The following GRHL2 variants were observed in gnomAD, a reference collection of about 807,000 sequenced individuals.
GRHL2 encodes grainyhead like transcription factor 2.
Under a neutral mutation model 83.8 loss-of-function variants are expected in GRHL2, and 21 were observed. That is an observed-to-expected ratio of 0.25 (90% CI 0.18 to 0.36). The LOEUF (loss-of-function observed/expected upper bound fraction) is 0.36. Among genes scored for constraint, GRHL2 ranks in the 10% least tolerant of loss-of-function variants. The pLI is 1.00. For missense variants in GRHL2, 623 were observed against 781.8 expected (o/e 0.80, Z 2.42); for synonymous variants, 280 against 278.9 (o/e 1.00, Z -0.04).
chr8:101,635,917 G>A (rs1169484503), intron 11 of GRHL2, among the ~76,000 whole-genome samples: 1 of 152,188 alleles, frequency 6.6e-6, no homozygotes, highest in Non-Finnish European at 1.5e-5. Context: ...GAGCCTTTGA[G>A]AGAGTTTGCA....
At position 101,623,394 on chromosome 8, in the gene GRHL2, AGT is replaced by A. The variant is rs1168602165; in HGVS notation, c.1257+3698_1257+3699del. Among the ~76,000 whole-genome samples the A allele has an allele frequency of 1.5e-3, 233 of 152,168 alleles. 11 individuals are homozygous for A. The highest frequency in any genetic ancestry group is 5.4e-3 in the African/African-American group (224 of 41,458). ...CACAGTAAGACAGTTCACGGTACCC[AGT>A]AGGACAGTACACAGTAGAACAGTTC... On this transcript the variant is annotated intron_variant, in intron 9 of 15. Coordinates refer to ENST00000646743, the MANE Select transcript of GRHL2 (RefSeq NM_024915.4).
chr8:101,563,204 A>C, intron 4 of GRHL2, among the ~76,000 whole-genome samples: 1 of 152,136 alleles, frequency 6.6e-6, no homozygotes, highest in East Asian at 1.9e-4. Context: ...GACTCAACCT[A>C]AGCTGTCTGG....
intron 1 of GRHL2, among the ~76,000 whole-genome samples, chr8:101,534,251 A>T (rs1268661390): frequency 1.3e-5 from 2 of 152,142 alleles, no homozygotes; most frequent in Non-Finnish European, 2.9e-5. Flanking sequence ...ATAAAGTGGC[A>T]GTCAAGTTGT....
intron 12 of GRHL2, among the ~76,000 whole-genome samples, chr8:101,643,902 C>T (rs1021777243): frequency 1.1e-4 from 17 of 152,208 alleles, no homozygotes; most frequent in African/African-American, 4.1e-4. Flanking sequence ...CCATATTCCG[C>T]AGTGGGAAGC....
At chr8:101,547,590 G>T (rs551164149) in intron 2 of GRHL2, among the ~76,000 whole-genome samples, 295 of 152,310 alleles carry the variant, frequency 1.9e-3, no homozygotes, top group Middle Eastern at 3.4e-3. Flanking sequence ...TCATTGCAGT[G>T]AAGTCCATCA....
intron 13 of GRHL2, among the ~76,000 whole-genome samples, chr8:101,646,526 T>G (rs2129680264): frequency 6.6e-6 from 1 of 152,330 alleles, no homozygotes; most frequent in African/African-American, 2.4e-5. Flanking sequence ...AAAAGGTCAG[T>G]GGGGTTACTG....
intron 14 of GRHL2, among the ~76,000 whole-genome samples, chr8:101,662,770 A>G (rs1813948661): frequency 6.6e-6 from 1 of 152,182 alleles, no homozygotes; most frequent in Non-Finnish European, 1.5e-5. Flanking sequence ...CAAAATAAAA[A>G]GTAAAAGGAT....
chr8:101,582,077 A>G (rs952407941), intron 7 of GRHL2, among the ~76,000 whole-genome samples: 1 of 152,076 alleles, frequency 6.6e-6, no homozygotes, highest in Non-Finnish European at 1.5e-5. Flanking sequence ...ATCTCTACTA[A>G]AAATATAAAA....
chr8:101,671,404 C>T (rs935839953), downstream of GRHL2, among the ~76,000 whole-genome samples: 15 of 152,160 alleles, frequency 9.9e-5, no homozygotes, highest in Non-Finnish European at 1.5e-4. Context: ...CATGGAGTCT[C>T]GCTGATTGCT....
chr8:101,550,273 AG>A (rs1811352055), intron 2 of GRHL2, among the ~76,000 whole-genome samples: 1 of 151,854 alleles, frequency 6.6e-6, no homozygotes, highest in Non-Finnish European at 1.5e-5. Flanking sequence ...TGTGACACTG[AG>A]GTTTGGGATA....
intron 1 of GRHL2, among the ~76,000 whole-genome samples, chr8:101,493,039 C>G (rs893070687): frequency 6.6e-6 from 1 of 152,116 alleles, no homozygotes; most frequent in African/African-American, 2.4e-5. Context: ...CCTTTTCCTT[C>G]TTCCCTTAGG....
rs145929835 is a variant in GRHL2 at position 101,540,093 on chromosome 8, T to C, written c.21-3148T>C. On this transcript the variant is annotated intron_variant, in intron 1 of 15. Transcript: ENST00000646743. ...AATTAATGATTATCTTTAAGACTTT[T>C]AAATTATACTCAACTTTACCAAAAA... Among the ~76,000 whole-genome samples, 158 of 152,370 alleles carry C rather than the reference T, an allele frequency of 1.0e-3. 2 individuals are homozygous for C. The highest frequency in any genetic ancestry group is 3.6e-3 in the African/African-American group (149 of 41,592).
At chr8:101,653,967 G>C (rs1190964595) in intron 14 of GRHL2, among the ~76,000 whole-genome samples, 1 of 152,208 alleles carries the variant, frequency 6.6e-6, no homozygotes, top group Non-Finnish European at 1.5e-5. Flanking sequence ...ACTTAGGATG[G>C]TAATAAGTCA....
intron 1 of GRHL2, among the ~76,000 whole-genome samples, chr8:101,534,591 G>T (rs374683319): frequency 1.3e-5 from 2 of 152,018 alleles, no homozygotes; most frequent in African/African-American, 4.8e-5. Context: ...AGGAGTCAAG[G>T]ATCAATGAGG....
At chr8:101,619,740 T>C in intron 9 of GRHL2, 43 bp downstream of exon 9, 1 of 1,444,622 alleles carries the variant, frequency 6.9e-7, no homozygotes. Flanking sequence ...TCTTTTTTAT[T>C]AGATATTACT....
At chr8:101,584,060 G>A (rs983743269) in intron 7 of GRHL2, among the ~76,000 whole-genome samples, 1 of 152,184 alleles carries the variant, frequency 6.6e-6, no homozygotes, top group Non-Finnish European at 1.5e-5. Flanking sequence ...CACATCCAGT[G>A]TAAGCATTAT....
chr8:101,634,161 C>T (rs986102601), intron 11 of GRHL2, among the ~76,000 whole-genome samples: 1 of 152,136 alleles, frequency 6.6e-6, no homozygotes, highest in Non-Finnish European at 1.5e-5. Context: ...ATATATCCCC[C>T]TGTATATCTG....
At chr8:101,671,465 G>A (rs1026451934), downstream of GRHL2, among the ~76,000 whole-genome samples, 6 of 145,018 alleles carry the variant, frequency 4.1e-5, no homozygotes, top group Non-Finnish European at 5.9e-5. Flanking sequence ...GCTGGGGGAG[G>A]GGCACCTGCA....
chr8:101,673,298 A>G (rs1432328468), downstream of GRHL2, among the ~76,000 whole-genome samples: 1 of 152,150 alleles, frequency 6.6e-6, no homozygotes. Flanking sequence ...TGCTGTATTC[A>G]GGAAACCCAT....
Sources: gnomAD v4.1 joint callset for allele counts (sites outside exome capture counted in the v4.1 genomes callset) on GRCh38, gnomAD v4.1.1 for gene constraint, MANE v1.5 for transcripts, NCBI Gene and HGNC (gene_info 2026-07-23, HGNC 2026-07-21) for gene names.